PKN3: variants seen among roughly 807,000 people sequenced by gnomAD.
PKN3 encodes serine/threonine-protein kinase N3.
Under a neutral mutation model 113.1 loss-of-function variants are expected in PKN3, and 91 were observed. The observed-to-expected ratio is 0.80, with a 90% CI of 0.68 to 0.96. The LOEUF is 0.96. PKN3 is among the 40% of genes least tolerant of loss of function. The pLI is 0.00. For synonymous variants in PKN3, 467 were observed against 499.0 expected (o/e 0.94, Z 0.85); for missense variants, 1,052 against 1,202.2 (o/e 0.88, Z 1.85).
At chr9:128,710,621 A>G (rs1862148466) in intron 6 of PKN3, among the ~76,000 whole-genome samples, 1 of 151,934 alleles carries the variant, frequency 6.6e-6, no homozygotes. Context: ...CTTCCCGAGT[A>G]GCTGGGATTA....
rs761621138 is a variant in PKN3 at position 128,714,652 on chromosome 9, C to T, written c.1572C>T (p.Ser524=). Residue 524 remains serine, a synonymous_variant, in exon 12 of 22, where the codon TCC becomes TCT. Transcript: ENST00000291906. ...PRLYLPQEPT[S]EETPRTKRPH... ...TCTACCTCCCCCAGGAGCCAACATC[C>T]GAGGAGACTCCGGTGAGGGGCTGGA... 36 of 1,437,420 alleles carry T rather than the reference C, an allele frequency of 2.5e-5. No homozygotes were observed. The highest frequency in any genetic ancestry group is 3.4e-5 in the Non-Finnish European group (35 of 1,019,450). The allele number at this position is 1,437,420 out of a possible 1,614,324, so 89.0% of individuals were successfully genotyped here.
At chr9:128,705,187 G>T (rs746578597) in intron 1 of PKN3, 116 bp from the exon 2 acceptor site, 1 of 1,323,666 alleles carries the variant, frequency 7.6e-7, no homozygotes, top group East Asian at 2.5e-5. Context: ...AACCCTGTGC[G>T]AGTCAGTCCT....
Position 128,715,094 on chromosome 9 carries a change from T to C in PKN3, c.1653-78T>C. ...GGTCGGGACAGCCCAGGACTGGGCA[T>C]GGGAGGCTTGGAGTGGCTCTGGGTA... On this transcript the variant is annotated intron_variant, in intron 13 of 21. Transcript: ENST00000291906. The surrounding 1 kb of genome is among the most constrained non-coding windows in gnomAD (Gnocchi z 4.1). 2.7e-6 allele frequency: 4 copies of C among 1,454,938 alleles called. No homozygotes were observed. Among genetic ancestry groups the C allele is most frequent in the Non-Finnish European group, 3.9e-6 (4 of 1,037,732 alleles). 90.1% of individuals were successfully genotyped at this position (1,454,938 alleles called of 1,614,324 possible).
intron 6 of PKN3, among the ~76,000 whole-genome samples, chr9:128,711,451 C>T (rs1198151094): frequency 1.3e-5 from 2 of 151,852 alleles, no homozygotes; most frequent in African/African-American, 2.4e-5. Flanking sequence ...GGACTAACTA[C>T]AGGCGCCCGC....
chr9:128,718,258 G>C, intron 16 of PKN3, 67 bp from the exon 17 acceptor site: 1 of 1,285,948 alleles, frequency 7.8e-7, no homozygotes, highest in Non-Finnish European at 1.1e-6. Flanking sequence ...GGCCATCCTG[G>C]TGCCTCCCTG....
At chr9:128,704,775 G>A (rs1006397442) in intron 1 of PKN3, among the ~76,000 whole-genome samples, 4 of 151,988 alleles carry the variant, frequency 2.6e-5, no homozygotes, top group South Asian at 2.1e-4. Flanking sequence ...AAAATTAGCC[G>A]GGCTTAGTGG....
chr9:128,719,703 C>A lies in PKN3; in HGVS notation c.2143C>A (p.Arg715=). 1 of 1,556,452 alleles carries A rather than the reference C, an allele frequency of 6.4e-7. No individual in the cohort carries two copies. Among genetic ancestry groups the A allele is most frequent in the Non-Finnish European group, 8.7e-7 (1 of 1,151,142 alleles). ...LCKEGIGFGD[R]TSTFCGTPEF... is the part of the protein sequence containing the mutation. ...GTTTGCAGGGATCGGCTTCGGGGAC[C>A]GGACTAGCACCTTCTGTGGCACCCC... Residue 715 remains arginine (R), a synonymous_variant, in exon 19 of 22, where the codon CGG becomes AGG. Coordinates refer to ENST00000291906, the MANE Select transcript of PKN3 (RefSeq NM_013355.5).
At chr9:128,711,608 G>C (rs369587013) in intron 6 of PKN3, among the ~76,000 whole-genome samples, 27 of 149,346 alleles carry the variant, frequency 1.8e-4, no homozygotes, top group African/African-American at 5.9e-4. Flanking sequence ...TTTTTTTTGG[G>C]GGGGGTGGGG....
At chr9:128,714,893 T>TGA (rs751017250) in intron 13 of PKN3, 28 bp downstream of exon 13, 1 of 1,601,558 alleles carries the variant, frequency 6.2e-7, no homozygotes, top group Non-Finnish European at 8.6e-7. Flanking sequence ...CCTTCATGTT[T>TGA]GAGACGTTCG....
At position 128,705,587 on chromosome 9, in the gene PKN3, C is replaced by T. The variant is rs199924345; in HGVS notation, c.265+44C>T. The T allele has an allele frequency of 2.7e-5, 41 of 1,546,806 alleles. No individual in the cohort carries two copies. The East Asian group carries it at 9.5e-4, about 36-fold the overall frequency. On this transcript the variant is annotated intron_variant, in intron 2 of 21. Coordinates refer to ENST00000291906, the MANE Select transcript of PKN3 (RefSeq NM_013355.5). The stretch of plus-strand genomic sequence containing the variant: ...CCCCCTCAGGACAGAAGGCTCTAGG[C>T]CCATCTGGCCCCTGGCCTTGGCCCT...
intron 3 of PKN3, 96 bp from the exon 4 acceptor site, chr9:128,706,617 C>T: frequency 1.1e-6 from 1 of 927,506 alleles, no homozygotes; most frequent in East Asian, 2.7e-5. Flanking sequence ...CACTTTAACC[C>T]TGTTTTGATG....
chr9:128,703,313 G>A, intron 1 of PKN3: 5 of 942,254 alleles, frequency 5.3e-6, no homozygotes, highest in Non-Finnish European at 6.3e-6. Flanking sequence ...GAAAGGCGGG[G>A]CACAGGGGCC....
intron 6 of PKN3, chr9:128,709,801 C>T (rs1385682527): frequency 6.7e-6 from 1 of 149,062 alleles, no homozygotes; most frequent in Non-Finnish European, 1.5e-5. Flanking sequence ...TGGCGGGCGC[C>T]TGTAGTCCCA....
chr9:128,703,458 G>A (rs932652615), intron 1 of PKN3: 18 of 985,282 alleles, frequency 1.8e-5, no homozygotes, highest in Non-Finnish European at 2.2e-5. Context: ...GCCCCAGGGC[G>A]GGAACCTTTG....
chr9:128,720,155 AGT>A lies in PKN3; in HGVS notation c.2377-46_2377-45del. 6.3e-7 allele frequency: 1 copy of A among 1,583,882 alleles called. No homozygotes were observed. Among genetic ancestry groups the A allele is most frequent in the Non-Finnish European group, 8.7e-7 (1 of 1,155,596 alleles). ...GTGCTTGGGGCCTGTGGATGATGGC[AGT>A]GCCTGGGGCTGAATGCCCTAAGTGA... On this transcript the variant is annotated intron_variant, in intron 20 of 21. Transcript: ENST00000291906. This position sits in a 1 kb window ranked among gnomAD's most constrained non-coding sequence, Gnocchi z 5.5.
At position 128,706,830 on chromosome 9, in the gene PKN3, G is replaced by A; in HGVS notation, c.523+6G>A. ...CAGTGGGTCCCCGGAGCCAGGTGAG[G>A]CCTTGAGACACAGGGAGGGCGGAGC... On this transcript the variant is annotated splice_donor_region_variant and intron_variant, in intron 4 of 21. Coordinates refer to ENST00000291906, the MANE Select transcript of PKN3 (RefSeq NM_013355.5). 1 of 1,612,148 alleles carries A rather than the reference G, an allele frequency of 6.2e-7. No homozygotes were observed. Among genetic ancestry groups the A allele is most frequent in the Non-Finnish European group, 8.5e-7 (1 of 1,178,698 alleles).
rs1017240248 is a variant in PKN3 at position 128,719,704 on chromosome 9, G to A, written c.2144G>A (p.Arg715Gln). The A allele has an allele frequency of 1.8e-5, 28 of 1,567,108 alleles. No homozygotes were observed. The highest frequency in any genetic ancestry group is 6.0e-5 in the South Asian group (5 of 82,652). The part of the protein sequence containing the change: ...LCKEGIGFGD[R>Q]TSTFCGTPEF... ...TTTGCAGGGATCGGCTTCGGGGACC[G>A]GACTAGCACCTTCTGTGGCACCCCG... Residue 715 changes from arginine to glutamine, a missense_variant, in exon 19 of 22, where the codon CGG becomes CAG. By Grantham distance (43) the Arg-to-Gln change is conservative. Transcript: ENST00000291906.
In PKN3 at chr9:128,715,217, C is replaced by T. The variant is rs1564376076; in HGVS notation, c.1698C>T (p.Gly566=). The T allele has an allele frequency of 6.2e-7, 1 of 1,614,012 alleles. No homozygotes were observed. The highest frequency in any genetic ancestry group is 1.3e-5 in the African/African-American group (1 of 74,980). ...ACTTCCGCTGCTTAGCTGTGCTGGG[C>T]CGGGGACACTTTGGGAAGGTAGTGG... ...LQDFRCLAVL[G]RGHFGKVLLV... is the part of the protein sequence containing the mutation. Residue 566 remains glycine, a synonymous_variant, in exon 14 of 22, where the codon GGC becomes GGT. Transcript: ENST00000291906. This position sits in a 1 kb window ranked among gnomAD's most constrained non-coding sequence, Gnocchi z 4.1.
chr9:128,707,369 C>A lies in PKN3; in HGVS notation c.799C>A (p.Pro267Thr), dbSNP rs756685759. The A allele has an allele frequency of 1.2e-6, 2 of 1,612,608 alleles. No homozygotes were observed. Among genetic ancestry groups the A allele is most frequent in the African/African-American group, 1.3e-5 (1 of 74,924 alleles). ...LRAAVPGYPQ[P>T]SGTPVKPTAL... is the part of the protein sequence containing the mutation. ...GGCTGCGGTGCCTGGATACCCCCAG[C>A]CTTCAGGGACACCTGTGAAGCCCAC... Residue 267 changes from proline to threonine, a missense_variant, in exon 6 of 22, where the codon CCT becomes ACT. Pro to Thr is a conservative substitution (Grantham distance 38). Coordinates refer to ENST00000291906, the MANE Select transcript of PKN3 (RefSeq NM_013355.5).
Sources: allele counts gnomAD v4.1 joint callset (sites outside exome capture counted in the v4.1 genomes callset), GRCh38; gene constraint gnomAD v4.1.1; non-coding constraint Gnocchi (gnomAD v3.1); transcripts MANE v1.5; gene names NCBI Gene and HGNC (gene_info 2026-07-23, HGNC 2026-07-21).